SMYD3: variants seen among roughly 807,000 people sequenced by gnomAD.
SMYD3 encodes the protein SET and MYND domain containing 3.
A neutral mutation model predicts 57.7 loss-of-function variants in SMYD3; 36 were observed. That is an observed-to-expected ratio of 0.62 (90% confidence interval 0.48 to 0.82). The LOEUF (loss-of-function observed/expected upper bound fraction) is 0.82, where lower values mean the gene tolerates loss of function less well. SMYD3 is among the 40% of genes least tolerant of loss of function. SMYD3 has a pLI of 0.00. For missense variants in SMYD3, 515 were observed against 538.8 expected (o/e 0.96, Z 0.44); for synonymous variants, 211 against 195.0 (o/e 1.08, Z -0.68).
chr1:245,899,100 G>A (rs1320960335), intron 8 of SMYD3, among the ~76,000 whole-genome samples: 2 of 152,212 alleles, frequency 1.3e-5, no homozygotes, highest in African/African-American at 2.4e-5. Context: ...ATTGCTTGAT[G>A]CAGAAAACTG....
intron 9 of SMYD3, 149 bp downstream of exon 9, chr1:245,863,650 C>T (rs963081921): frequency 1.4e-5 from 9 of 654,396 alleles, no homozygotes; most frequent in Admixed American, 8.9e-5. Flanking sequence ...TGGCCAGGGT[C>T]GGAGGTGCGG....
At chr1:245,757,240 T>C (rs1184800503) in intron 11 of SMYD3, among the ~76,000 whole-genome samples, 2 of 152,148 alleles carry the variant, frequency 1.3e-5, no homozygotes, top group Admixed American at 6.5e-5. Flanking sequence ...ATATGATATT[T>C]GTTCTTCTCT....
At chr1:245,929,967 A>T (rs1273831411) in intron 5 of SMYD3, 30 bp from the exon 6 acceptor site, 1 of 1,583,964 alleles carries the variant, frequency 6.3e-7, no homozygotes, top group Non-Finnish European at 8.7e-7. Flanking sequence ...CATCAGTATT[A>T]CTAGAGTCAC....
chr1:246,373,011 G>A (rs888684276), intron 1 of SMYD3, among the ~76,000 whole-genome samples: 7 of 151,528 alleles, frequency 4.6e-5, no homozygotes, highest in African/African-American at 1.2e-4. Flanking sequence ...CACCCCTAAA[G>A]GTATTCTAAT....
At chr1:246,257,465 C>A (rs1275393567) in intron 5 of SMYD3, among the ~76,000 whole-genome samples, 1 of 152,134 alleles carries the variant, frequency 6.6e-6, no homozygotes, top group Non-Finnish European at 1.5e-5. Flanking sequence ...GTAAGAATAG[C>A]AAGCCCTGCT....
intron 10 of SMYD3, among the ~76,000 whole-genome samples, chr1:245,826,604 T>G (rs951628132): frequency 6.6e-6 from 1 of 152,224 alleles, no homozygotes; most frequent in Non-Finnish European, 1.5e-5. Context: ...AGTTGCTTCC[T>G]TAAAACTCTC....
At chr1:246,278,530 T>TG (rs2148564855) in intron 5 of SMYD3, among the ~76,000 whole-genome samples, 1 of 152,296 alleles carries the variant, frequency 6.6e-6, no homozygotes, top group East Asian at 1.9e-4. Context: ...GAAGGAACTG[T>TG]GGGTGGTCTC....
At position 246,335,376 on chromosome 1, in the gene SMYD3, G is replaced by C. The variant is rs148554980; in HGVS notation, c.327C>G (p.Val109=). ...TGAGTTTTATACTCACAAGTTTGAAGACAACTCTGCCAAGAAGTCGAACGG... is the reference window on the plus strand; with the variant it reads ...TGAGTTTTATACTCACAAGTTTGAACACAACTCTGCCAAGAAGTCGAACGG... The part of the protein sequence containing the change: ...PDSVRLLGRV[V]FKLMDGAPSE... Residue 109 remains valine, a synonymous_variant, in exon 3 of 12, where the codon GTC becomes GTG. Transcript: ENST00000490107. 1.5e-5 allele frequency: 24 copies of C among 1,613,874 alleles called. No individual in the cohort carries two copies. The highest frequency in any genetic ancestry group is 1.9e-5 in the Non-Finnish European group (23 of 1,179,902).
chr1:246,474,092 AAATT>A (rs560057496), intron 1 of SMYD3, among the ~76,000 whole-genome samples: 19 of 152,242 alleles, frequency 1.2e-4, no homozygotes, highest in Non-Finnish European at 2.4e-4. Context: ...ACATCTAAAT[AAATT>A]AATTGGAACA....
Position 246,334,606 on chromosome 1 carries a change from C to G in SMYD3, c.336+761G>C, listed in dbSNP as rs574221090. Among the ~76,000 whole-genome samples, 9 of 152,286 alleles carry G rather than the reference C, an allele frequency of 5.9e-5. No homozygotes were observed. In the South Asian group the frequency reaches 8.3e-4, roughly 14 times the overall value. On this transcript the variant is annotated intron_variant, in intron 3 of 11. Coordinates refer to ENST00000490107, the MANE Select transcript of SMYD3 (RefSeq NM_001167740.2). ...TGGGCAAGAGATGAAAAGCTAGCTA[C>G]TGGGTACCATGCTCACTACCTCGGT...
At chr1:245,868,602 C>G (rs1457736889) in intron 8 of SMYD3, among the ~76,000 whole-genome samples, 1 of 152,196 alleles carries the variant, frequency 6.6e-6, no homozygotes, top group African/African-American at 2.4e-5. Context: ...TAGGTTGATC[C>G]TAAGCCTTTA....
At chr1:246,160,952 T>C (rs1373270799) in intron 5 of SMYD3, among the ~76,000 whole-genome samples, 1 of 152,192 alleles carries the variant, frequency 6.6e-6, no homozygotes, top group Non-Finnish European at 1.5e-5. Flanking sequence ...AGACAGAAGC[T>C]GGGGCTGTTT....
At chr1:245,794,504 T>G (rs12097347) in intron 10 of SMYD3, among the ~76,000 whole-genome samples, 293 of 152,334 alleles carry the variant, frequency 1.9e-3, no homozygotes, top group African/African-American at 6.7e-3. Flanking sequence ...GTGTGTGTAT[T>G]TACATTTCTT....
Position 246,203,609 on chromosome 1 carries a change from A to G in SMYD3, c.531+123592T>C. 6.6e-6 allele frequency among the ~76,000 whole-genome samples: 1 copy of G among 152,180 alleles called. No homozygotes were observed. Among genetic ancestry groups the G allele is most frequent in the Non-Finnish European group, 1.5e-5 (1 of 68,018 alleles). On this transcript the variant is annotated intron_variant, in intron 5 of 11. Coordinates refer to ENST00000490107, the MANE Select transcript of SMYD3 (RefSeq NM_001167740.2). The surrounding 1 kb of genome is among the most constrained non-coding windows in gnomAD (Gnocchi z 4.6). ...TGTCTCTTCCTCTTCCTACAAGGAC[A>G]CCAGTCATACTGGACTAGGGTCAAC...
intron 10 of SMYD3, among the ~76,000 whole-genome samples, chr1:245,787,360 T>C (rs1303400569): frequency 1.3e-5 from 2 of 152,112 alleles, no homozygotes; most frequent in Non-Finnish European, 2.9e-5. Context: ...GCGGGGGCAG[T>C]CTCTTCCATA....
At chr1:246,088,765 A>G (rs2060771623) in intron 5 of SMYD3, among the ~76,000 whole-genome samples, 1 of 152,164 alleles carries the variant, frequency 6.6e-6, no homozygotes, top group Admixed American at 6.5e-5. Context: ...TAGCTTTGTC[A>G]CAATACACTT....
intron 5 of SMYD3, among the ~76,000 whole-genome samples, chr1:246,146,489 C>G (rs2061844550): frequency 6.6e-6 from 1 of 152,150 alleles, no homozygotes; most frequent in African/African-American, 2.4e-5. Context: ...GTGCCAACAC[C>G]CATCCTTCCT....
chr1:246,244,677 A>C (rs1160767082), intron 5 of SMYD3, among the ~76,000 whole-genome samples: 2 of 152,182 alleles, frequency 1.3e-5, no homozygotes, highest in South Asian at 2.1e-4. Flanking sequence ...TGTTATAAAA[A>C]TTACTTTTGC....
At chr1:245,896,545 T>C (rs1342830277) in intron 8 of SMYD3, among the ~76,000 whole-genome samples, 1 of 152,152 alleles carries the variant, frequency 6.6e-6, no homozygotes, top group Admixed American at 6.5e-5. Flanking sequence ...GGAATACAAA[T>C]GTTTCACATA....
Sources: gnomAD v4.1 joint callset for allele counts (sites outside exome capture counted in the v4.1 genomes callset) on GRCh38, gnomAD v4.1.1 for gene constraint, Gnocchi (gnomAD v3.1) non-coding constraint, MANE v1.5 for transcripts, NCBI Gene and HGNC (gene_info 2026-07-23, HGNC 2026-07-21) for gene names.